Variants in THADA observed in about 807,000 individuals in gnomAD.
The protein encoded by THADA is THADA armadillo repeat containing, also known as tRNA (32-2'-O)-methyltransferase regulator THADA.
A neutral mutation model predicts 219.8 loss-of-function variants in THADA; 213 were observed. That is an observed-to-expected ratio of 0.97 (90% CI 0.87 to 1.09). The LOEUF is 1.09. Ranked by LOEUF, THADA falls within the 50% of genes least tolerant of loss-of-function variation. The pLI, the probability that THADA is intolerant of heterozygous loss-of-function variation, is 0.00. For missense variants in THADA, 2,956 were observed against 2,311.3 expected, an observed-to-expected ratio of 1.28 and a Z score of -5.72; for synonymous variants, 1,018 against 828.9, an observed-to-expected ratio of 1.23 and a Z score of -3.92.
intron 28 of THADA, among the ~76,000 whole-genome samples, chr2:43,416,793 G>T (rs922856767): frequency 6.6e-6 from 1 of 152,176 alleles, no homozygotes; most frequent in African/African-American, 2.4e-5. Flanking sequence ...CACTTCAGAG[G>T]CCTTGGAGTA....
chr2:43,242,676 A>G (rs1357311072), intron 36 of THADA, among the ~76,000 whole-genome samples: 2 of 152,116 alleles, frequency 1.3e-5, no homozygotes, highest in African/African-American at 4.8e-5. Flanking sequence ...TTTGGTAGAG[A>G]CAGGGTTTCA....
At chr2:43,316,025 C>A (rs1365465053) in intron 31 of THADA, among the ~76,000 whole-genome samples, 1 of 152,178 alleles carries the variant, frequency 6.6e-6, no homozygotes, top group Non-Finnish European at 1.5e-5. Context: ...TGGCCTTGAA[C>A]CCAACACCCC....
At chr2:43,483,193 G>C (rs1298245369) in intron 26 of THADA, among the ~76,000 whole-genome samples, 1 of 152,112 alleles carries the variant, frequency 6.6e-6, no homozygotes, top group African/African-American at 2.4e-5. Flanking sequence ...GTTATCCGGT[G>C]GATAAGTAAC....
chr2:43,361,629 T>C (rs1339418123), intron 29 of THADA, among the ~76,000 whole-genome samples: 2 of 152,242 alleles, frequency 1.3e-5, no homozygotes, highest in African/African-American at 2.4e-5. Flanking sequence ...GGCAGTATCG[T>C]TCCTTGGCAC....
intron 20 of THADA, among the ~76,000 whole-genome samples, chr2:43,545,364 G>A (rs1319402679): frequency 2.0e-5 from 3 of 151,942 alleles, no homozygotes; most frequent in Admixed American, 2.0e-4. Context: ...GCCTGGCTTT[G>A]GTATCAGGAT....
At chr2:43,450,487 T>C (rs764660414) in intron 26 of THADA, among the ~76,000 whole-genome samples, 5 of 151,232 alleles carry the variant, frequency 3.3e-5, no homozygotes, top group Non-Finnish European at 4.4e-5. Context: ...ACAAAGAAAA[T>C]AGTTATAGAA....
intron 36 of THADA, among the ~76,000 whole-genome samples, chr2:43,267,230 T>G (rs1048714137): frequency 2.0e-5 from 3 of 152,230 alleles, no homozygotes; most frequent in Non-Finnish European, 4.4e-5. Flanking sequence ...TGTAAGTTGC[T>G]AACAGAAAAA....
intron 22 of THADA, among the ~76,000 whole-genome samples, chr2:43,527,577 C>CA (rs1312726433): frequency 6.6e-6 from 1 of 150,594 alleles, no homozygotes; most frequent in Admixed American, 6.6e-5. Context: ...TTCAAACAGA[C>CA]AAAACATTTA....
intron 26 of THADA, among the ~76,000 whole-genome samples, chr2:43,453,634 G>A (rs1002245440): frequency 1.3e-5 from 2 of 152,102 alleles, no homozygotes; most frequent in Admixed American, 6.5e-5. Flanking sequence ...TCTCACAAAC[G>A]CTGGTTTTTT....
chr2:43,345,530 G>A (rs1333284918), intron 29 of THADA, among the ~76,000 whole-genome samples: 1 of 152,220 alleles, frequency 6.6e-6, no homozygotes. Context: ...CAGATCAAAT[G>A]TCATGCCTTC....
At chr2:43,499,448 C>T (rs748427889) in intron 24 of THADA, among the ~76,000 whole-genome samples, 4 of 152,278 alleles carry the variant, frequency 2.6e-5, no homozygotes, top group South Asian at 4.1e-4. Flanking sequence ...ACAGTCTCGG[C>T]TCACTACAAC....
chr2:43,582,933 C>T (rs751518327), intron 7 of THADA, among the ~76,000 whole-genome samples: 17 of 152,092 alleles, frequency 1.1e-4, no homozygotes, highest in Non-Finnish European at 2.1e-4. Flanking sequence ...CACTCCTTCT[C>T]GGATACCTTC....
intron 15 of THADA, chr2:43,562,174 A>G (rs960356402): frequency 1.3e-5 from 2 of 152,144 alleles, no homozygotes; most frequent in African/African-American, 4.8e-5. Context: ...TTTTGCCTCT[A>G]TATCCATAAA....
intron 36 of THADA, among the ~76,000 whole-genome samples, chr2:43,239,591 C>A (rs571656745): frequency 7.9e-5 from 12 of 152,354 alleles, no homozygotes; most frequent in African/African-American, 2.9e-4. Flanking sequence ...CTATTTCAGA[C>A]CACGGATTAA....
intron 36 of THADA, among the ~76,000 whole-genome samples, chr2:43,272,591 G>A (rs1672256620): frequency 6.6e-6 from 1 of 150,586 alleles, no homozygotes; most frequent in South Asian, 2.1e-4. Flanking sequence ...AAGAGAAGGG[G>A]TCAGAAAACA....
chr2:43,296,154 G>A (rs1195601068), intron 31 of THADA, among the ~76,000 whole-genome samples: 1 of 151,516 alleles, frequency 6.6e-6, no homozygotes, highest in Non-Finnish European at 1.5e-5. Flanking sequence ...TCCTGACCTC[G>A]TGATCTGCTC....
At chr2:43,248,162 T>TAGAGAGAG (rs1669406546) in intron 36 of THADA, among the ~76,000 whole-genome samples, 10 of 44,404 alleles carry the variant, frequency 2.3e-4, no homozygotes, top group Non-Finnish European at 3.1e-4. Flanking sequence ...TATATATATA[T>TAGAGAGAG]ATAGAGAGAG....
intron 36 of THADA, among the ~76,000 whole-genome samples, chr2:43,255,272 T>C (rs1033017244): frequency 6.6e-6 from 1 of 152,218 alleles, no homozygotes; most frequent in Non-Finnish European, 1.5e-5. Flanking sequence ...TTGTTCAAGG[T>C]GCCTATTTGC....
At chr2:43,467,114 G>A (rs1056317450) in intron 26 of THADA, among the ~76,000 whole-genome samples, 4 of 145,322 alleles carry the variant, frequency 2.8e-5, no homozygotes, top group South Asian at 2.2e-4. Context: ...CCCGGGAGGC[G>A]GAGCTTGCAG....
Sources: allele counts gnomAD v4.1 joint callset (sites outside exome capture counted in the v4.1 genomes callset), GRCh38; gene constraint gnomAD v4.1.1; transcripts MANE v1.5; gene names NCBI Gene and HGNC (gene_info 2026-07-23, HGNC 2026-07-21).